Variants in LOXL2 observed in about 807,000 individuals in gnomAD.
LOXL2 encodes lysyl oxidase like 2, also known as lysyl oxidase homolog 2.
Under a neutral mutation model 93.0 loss-of-function variants are expected in LOXL2, and 70 were observed. The ratio of observed to expected loss-of-function variants is 0.75; its 90% CI spans 0.62 to 0.92. The LOEUF is 0.92. LOXL2 is among the 40% of genes least tolerant of loss of function. The pLI is 0.00. For synonymous variants in LOXL2, 438 were observed against 413.2 expected (o/e 1.06, Z -0.73); for missense variants, 973 against 1,054.9 (o/e 0.92, Z 1.08).
chr8:23,326,710 C>T (rs143662039), intron 6 of LOXL2, among the ~76,000 whole-genome samples: 31 of 152,260 alleles, frequency 2.0e-4, no homozygotes, highest in Admixed American at 1.4e-3. Flanking sequence ...GCCGAGATCG[C>T]GCCACTGTGC....
At chr8:23,379,957 G>T (rs1451349880) in intron 1 of LOXL2, among the ~76,000 whole-genome samples, 1 of 150,006 alleles carries the variant, frequency 6.7e-6, no homozygotes, top group African/African-American at 2.5e-5. Flanking sequence ...TGACCCCACT[G>T]TCCTACGAGC....
chr8:23,305,676 T>G (rs946271156), intron 10 of LOXL2, among the ~76,000 whole-genome samples: 4 of 151,840 alleles, frequency 2.6e-5, no homozygotes, highest in African/African-American at 4.8e-5. Context: ...GGGGTAGAGT[T>G]AGGGAAGCAT....
intron 1 of LOXL2, among the ~76,000 whole-genome samples, chr8:23,402,373 C>A (rs1563213359): frequency 6.6e-6 from 1 of 152,212 alleles, no homozygotes; most frequent in Non-Finnish European, 1.5e-5. Flanking sequence ...TTGGGGAGAG[C>A]CTTGGTAGCC....
chr8:23,320,121 G>C, intron 7 of LOXL2, 69 bp from the exon 8 acceptor site: 1 of 1,525,070 alleles, frequency 6.6e-7, no homozygotes, highest in Non-Finnish European at 9.0e-7. Flanking sequence ...GCTGCCATCA[G>C]CCCCAGTGTC....
intron 7 of LOXL2, among the ~76,000 whole-genome samples, chr8:23,320,719 G>A (rs4637839): frequency 0.7 from 107,008 of 151,974 alleles, 37,976 homozygotes; most frequent in Non-Finnish European, 0.76. Context: ...ACCAGCCTGC[G>A]CAACATAGTG....
intron 3 of LOXL2, among the ~76,000 whole-genome samples, chr8:23,344,483 C>T (rs17089134): frequency 0.19 from 28,043 of 151,150 alleles, 3,509 homozygotes; most frequent in African/African-American, 0.36. Context: ...TGTGTGTGCA[C>T]GGGGGTATAT....
intron 10 of LOXL2, 47 bp downstream of exon 10, chr8:23,309,621 G>A (rs925452058): frequency 7.3e-7 from 1 of 1,372,220 alleles, no homozygotes; most frequent in Non-Finnish European, 9.5e-7. Flanking sequence ...AGGCCTGCAG[G>A]ATGTCCGCCG....
At chr8:23,349,205 TGTC>T (rs1804049350) in intron 3 of LOXL2, among the ~76,000 whole-genome samples, 1 of 152,186 alleles carries the variant, frequency 6.6e-6, no homozygotes, top group East Asian at 1.9e-4. Flanking sequence ...GGCGTGATAA[TGTC>T]GTCATCTCAC....
chr8:23,365,018 T>C (rs1003787733), intron 2 of LOXL2: 1 of 152,066 alleles, frequency 6.6e-6, no homozygotes, highest in African/African-American at 2.4e-5. Flanking sequence ...CGAACAGGGG[T>C]TGAGAATCAG....
At chr8:23,343,739 GCCTGGAT>G (rs1374270339) in intron 3 of LOXL2, among the ~76,000 whole-genome samples, 1 of 152,172 alleles carries the variant, frequency 6.6e-6, no homozygotes, top group Non-Finnish European at 1.5e-5. Context: ...ATGCCTTCCA[GCCTGGAT>G]CCTGGATCCT....
At position 23,322,153 on chromosome 8, in the gene LOXL2, G is replaced by A; in HGVS notation, c.1279C>T (p.Pro427Ser). The A allele has an allele frequency of 6.2e-7, 1 of 1,614,198 alleles. No individual in the cohort carries two copies. Among genetic ancestry groups the A allele is most frequent in the Non-Finnish European group, 8.5e-7 (1 of 1,180,034 alleles). Residue 427 changes from proline to serine, a missense_variant, in exon 7 of 14, where the codon CCT becomes TCT. Physicochemically the swap from Pro to Ser is moderately conservative, Grantham distance 74 (BLOSUM62 -1). Coordinates refer to ENST00000389131, the MANE Select transcript of LOXL2 (RefSeq NM_002318.3). ...ACCTTCTTCTGCAAGCCCATGGCAG[G>A]GGTGTTGCATCTCACACCAGCATCC... ...EEDAGVRCNT[P>S]AMGLQKKLRL...
chr8:23,397,867 A>G (rs1362650108), intron 1 of LOXL2, among the ~76,000 whole-genome samples: 4 of 149,564 alleles, frequency 2.7e-5, no homozygotes, highest in Admixed American at 6.7e-5. Context: ...AGGCTGAGGC[A>G]GGAGAATCTC....
chr8:23,376,127 T>G (rs1475015561), intron 1 of LOXL2, among the ~76,000 whole-genome samples: 1 of 152,058 alleles, frequency 6.6e-6, no homozygotes, highest in Non-Finnish European at 1.5e-5. Flanking sequence ...ATACCTAATT[T>G]ATTGAGAATT....
intron 9 of LOXL2, among the ~76,000 whole-genome samples, chr8:23,311,897 T>C (rs952091875): frequency 2.6e-5 from 4 of 152,210 alleles, no homozygotes; most frequent in Non-Finnish European, 4.4e-5. Context: ...TTGGGAGAAG[T>C]TGTGTTTTAG....
intron 1 of LOXL2, among the ~76,000 whole-genome samples, chr8:23,371,450 T>C (rs11135729): frequency 0.33 from 49,439 of 151,902 alleles, 8,224 homozygotes; most frequent in East Asian, 0.44. Context: ...AATACATGTA[T>C]GATTAAAATG....
intron 1 of LOXL2, among the ~76,000 whole-genome samples, chr8:23,401,498 T>G (rs1036956585): frequency 2.0e-5 from 3 of 152,200 alleles, no homozygotes; most frequent in Non-Finnish European, 4.4e-5. Context: ...GTATAGGATT[T>G]GCTTTAAACT....
intron 3 of LOXL2, among the ~76,000 whole-genome samples, 171 bp downstream of exon 3, chr8:23,359,919 G>C (rs907586186): frequency 6.6e-6 from 1 of 152,162 alleles, no homozygotes; most frequent in African/African-American, 2.4e-5. Context: ...CCATGGATGG[G>C]ATTCCCTTCT....
At chr8:23,333,250 A>T in intron 5 of LOXL2, 151 bp downstream of exon 5, 1 of 676,910 alleles carries the variant, frequency 1.5e-6, no homozygotes, top group South Asian at 1.8e-5. Context: ...TTCTCTGCAG[A>T]GGGCGCTCAG....
intron 10 of LOXL2, among the ~76,000 whole-genome samples, chr8:23,306,748 G>A (rs1220649337): frequency 6.6e-6 from 1 of 152,250 alleles, no homozygotes; most frequent in East Asian, 1.9e-4. Flanking sequence ...ATTCCCCCGA[G>A]GTGGGAGAGC....
Sources: gnomAD v4.1 joint callset for allele counts (sites outside exome capture counted in the v4.1 genomes callset) on GRCh38, gnomAD v4.1.1 for gene constraint, MANE v1.5 for transcripts, NCBI Gene and HGNC (gene_info 2026-07-23, HGNC 2026-07-21) for gene names.